Variants in PDE1C observed in about 807,000 individuals in gnomAD.
PDE1C encodes phosphodiesterase 1C, also known as dual specificity calcium/calmodulin-dependent 3',5'-cyclic nucleotide phosphodiesterase 1C.
Under a neutral mutation model 93.1 loss-of-function variants are expected in PDE1C, and 62 were observed. That is an observed-to-expected ratio of 0.67 (90% CI 0.54 to 0.82). PDE1C has a LOEUF of 0.82. PDE1C is among the 40% of genes least tolerant of loss of function. The pLI is 0.00. For missense variants in PDE1C, 742 were observed against 884.6 expected, an observed-to-expected ratio of 0.84 and a Z score of 2.04; for synonymous variants, 325 against 310.1, an observed-to-expected ratio of 1.05 and a Z score of -0.50.
At chr7:31,627,379 C>A in the PDE1C span, among the ~76,000 whole-genome samples, 1 of 152,160 alleles carries the variant, frequency 6.6e-6, no homozygotes, top group East Asian at 1.9e-4. Context: ...AAGTGAAGAC[C>A]AGACATGGTG....
the PDE1C span, among the ~76,000 whole-genome samples, chr7:31,694,150 T>A: frequency 6.6e-6 from 1 of 152,188 alleles, no homozygotes. Flanking sequence ...AACTAGATCA[T>A]CTTTTAAATA....
At chr7:31,867,630 C>T (rs1283373541) in intron 6 of PDE1C, among the ~76,000 whole-genome samples, 2 of 152,206 alleles carry the variant, frequency 1.3e-5, no homozygotes, top group Admixed American at 1.3e-4. Flanking sequence ...ACTTCCAATG[C>T]TCATGCCATG....
chr7:31,794,672 T>C (rs959261005), intron 16 of PDE1C, among the ~76,000 whole-genome samples: 1 of 151,932 alleles, frequency 6.6e-6, no homozygotes, highest in Non-Finnish European at 1.5e-5. Flanking sequence ...AAGTCAGGCA[T>C]CAGTAACTCC....
At position 31,753,351 on chromosome 7, in the gene PDE1C, C is replaced by T; in HGVS notation, c.*33G>A. 1 of 1,586,920 alleles carries T rather than the reference C, an allele frequency of 6.3e-7. No homozygotes were observed. The highest frequency in any genetic ancestry group is 8.6e-7 in the Non-Finnish European group (1 of 1,164,272). On this transcript the variant is annotated 3_prime_UTR_variant, in exon 18 of 18. Transcript: ENST00000396191. ...GGGTGCTGAGAAGCAGATAGGTAGACCCTCCTTCACTCCCTCTCTTCTTCC... is the reference window on the plus strand; with the variant it reads ...GGGTGCTGAGAAGCAGATAGGTAGATCCTCCTTCACTCCCTCTCTTCTTCC...
chr7:31,639,564 TCTCA>T, the PDE1C span, among the ~76,000 whole-genome samples: 5 of 141,626 alleles, frequency 3.5e-5, no homozygotes, highest in African/African-American at 1.1e-4. Flanking sequence ...TGAGATGGAG[TCTCA>T]CTCTGTCTCC....
intron 1 of PDE1C, among the ~76,000 whole-genome samples, chr7:32,067,590 G>T (rs1367023323): frequency 1.3e-5 from 2 of 152,124 alleles, no homozygotes; most frequent in African/African-American, 4.8e-5. Context: ...TGAAAGAGGG[G>T]CTATAAAGAA....
intron 3 of PDE1C, among the ~76,000 whole-genome samples, chr7:32,158,855 A>G (rs1801737796): frequency 6.6e-6 from 1 of 152,206 alleles, no homozygotes; most frequent in South Asian, 2.1e-4. Flanking sequence ...ATGGCAAACA[A>G]GGCCCTACAT....
chr7:31,629,897 A>G, the PDE1C span, among the ~76,000 whole-genome samples: 2 of 152,240 alleles, frequency 1.3e-5, no homozygotes, highest in Non-Finnish European at 2.9e-5. Flanking sequence ...GTCTTGCTTA[A>G]AAGGACAGGT....
chr7:31,996,066 GACACACACACACACACAC>G (rs3078631), intron 2 of PDE1C, among the ~76,000 whole-genome samples: 2 of 138,560 alleles, frequency 1.4e-5, no homozygotes, highest in Non-Finnish European at 3.1e-5. Context: ...TACGCTTCCG[GACACACACACACACACAC>G]ACACACACAC....
the PDE1C span, among the ~76,000 whole-genome samples, chr7:31,636,496 CAT>C: frequency 2.6e-5 from 4 of 152,230 alleles, no homozygotes; most frequent in South Asian, 8.3e-4. Context: ...TGCATCAAAA[CAT>C]ATAGAAAAAG....
At chr7:31,781,967 T>TA (rs35752476) in intron 16 of PDE1C, among the ~76,000 whole-genome samples, 8 of 152,016 alleles carry the variant, frequency 5.3e-5, no homozygotes, top group Admixed American at 2.0e-4. Flanking sequence ...AATGAGGAGT[T>TA]AAAAAAAGTG....
At chr7:32,397,990 T>C (rs1784866944) in intron 1 of PDE1C, among the ~76,000 whole-genome samples, 2 of 151,840 alleles carry the variant, frequency 1.3e-5, no homozygotes, top group South Asian at 4.2e-4. Context: ...CCTCATCTAC[T>C]AAAAATAAAA....
the PDE1C span, chr7:31,697,110 T>C: frequency 2.7e-5 from 44 of 1,613,758 alleles, 1 homozygote; most frequent in South Asian, 4.6e-4. Flanking sequence ...TGTCCCCCTT[T>C]GCAGCAGGTA....
intron 3 of PDE1C, among the ~76,000 whole-genome samples, chr7:32,167,527 T>C (rs1412274167): frequency 6.6e-6 from 1 of 152,072 alleles, no homozygotes; most frequent in Non-Finnish European, 1.5e-5. Flanking sequence ...ATGCTCAACA[T>C]GAGACCTCAT....
chr7:32,083,345 A>G (rs1796841371), intron 3 of PDE1C, among the ~76,000 whole-genome samples: 3 of 151,810 alleles, frequency 2.0e-5, no homozygotes, highest in African/African-American at 7.3e-5. Flanking sequence ...GAAATATGGG[A>G]CTATGTGAAA....
At chr7:32,180,504 C>T (rs1803321915) in intron 2 of PDE1C, among the ~76,000 whole-genome samples, 3 of 152,156 alleles carry the variant, frequency 2.0e-5, no homozygotes, top group Admixed American at 2.0e-4. Context: ...CCTTTTGTCC[C>T]TTCCATCATG....
At chr7:31,816,457 G>A (rs1237440742) in intron 14 of PDE1C, among the ~76,000 whole-genome samples, 2 of 151,984 alleles carry the variant, frequency 1.3e-5, no homozygotes, top group African/African-American at 2.4e-5. Flanking sequence ...TCTATTGAAC[G>A]TGTTCGCTCT....
intron 2 of PDE1C, among the ~76,000 whole-genome samples, chr7:31,905,801 G>A (rs1362795325): frequency 1.3e-5 from 2 of 152,164 alleles, no homozygotes; most frequent in Non-Finnish European, 2.9e-5. Flanking sequence ...GTTAAGGGAG[G>A]AACCTGGTAG....
At chr7:32,178,949 T>C (rs1248009046) in intron 2 of PDE1C, among the ~76,000 whole-genome samples, 1 of 152,234 alleles carries the variant, frequency 6.6e-6, no homozygotes, top group Admixed American at 6.5e-5. Flanking sequence ...CCACCTGTGT[T>C]AGCCTACTGA....
Sources: allele counts gnomAD v4.1 joint callset (sites outside exome capture counted in the v4.1 genomes callset), GRCh38; gene constraint gnomAD v4.1.1; transcripts MANE v1.5; gene names NCBI Gene and HGNC (gene_info 2026-07-23, HGNC 2026-07-21).